CNTN6: variants seen among roughly 807,000 people sequenced by gnomAD.
CNTN6 encodes contactin 6.
Under a neutral mutation model 122.8 loss-of-function variants are expected in CNTN6, and 137 were observed. The ratio of observed to expected loss-of-function variants is 1.12; its 90% CI spans 0.97 to 1.29. The LOEUF is 1.29. CNTN6 is among the 50% of genes most tolerant of loss of function. The pLI is 0.00. For synonymous variants in CNTN6, 570 were observed against 426.0 expected (o/e 1.34, Z -4.16); for missense variants, 1,634 against 1,223.4 (o/e 1.34, Z -5.01).
intron 12 of CNTN6, among the ~76,000 whole-genome samples, chr3:1,366,837 A>G (rs771815151): frequency 2.2e-4 from 34 of 152,152 alleles, no homozygotes; most frequent in Non-Finnish European, 4.1e-4. Context: ...CTTCACCCAC[A>G]CAGGAGGCTA....
intron 4 of CNTN6, among the ~76,000 whole-genome samples, chr3:1,272,020 G>A (rs112202531): frequency 1.3e-5 from 2 of 152,134 alleles, no homozygotes; most frequent in African/African-American, 4.8e-5. Flanking sequence ...TACCCATGCT[G>A]TTCTCCTGTT....
Position 1,220,689 on chromosome 3 carries a change from G to A in CNTN6, c.58G>A (p.Asp20Asn). ...GATTTATTCTTTTCTTTTCCCAGGT[G>A]ATGGTCTTTTAAGCCGTCCTATTTT... ...LLPLINSSAG[D>N]GLLSRPIFTQ... The change falls in exon 3 of 23, where the codon GAT becomes AAT. Residue 20 changes from aspartate to asparagine, a missense_variant and splice_region_variant. By Grantham distance (23) the Asp-to-Asn change is conservative (BLOSUM62 1). Transcript: ENST00000446702. The A allele has an allele frequency of 6.2e-7, 1 of 1,603,038 alleles. No individual in the cohort carries two copies. The highest frequency in any genetic ancestry group is 8.5e-7 in the Non-Finnish European group (1 of 1,175,990).
At chr3:1,233,056 T>C (rs2094372737) in intron 4 of CNTN6, among the ~76,000 whole-genome samples, 3 of 152,188 alleles carry the variant, frequency 2.0e-5, no homozygotes. Context: ...GAAAACTAAT[T>C]TGGAGCCACT....
At chr3:1,333,103 G>T (rs1358743373) in intron 11 of CNTN6, among the ~76,000 whole-genome samples, 1 of 151,966 alleles carries the variant, frequency 6.6e-6, no homozygotes, top group Non-Finnish European at 1.5e-5. Context: ...TGGGGTGTGG[G>T]TAGATGGGTA....
At chr3:1,119,221 G>T (rs2091853759) in intron 1 of CNTN6, among the ~76,000 whole-genome samples, 1 of 151,190 alleles carries the variant, frequency 6.6e-6, no homozygotes, top group Non-Finnish European at 1.5e-5. Flanking sequence ...GTAGATGTAG[G>T]TCATAATAGG....
chr3:1,246,218 C>T (rs2094581859), intron 4 of CNTN6, among the ~76,000 whole-genome samples: 1 of 152,064 alleles, frequency 6.6e-6, no homozygotes, highest in African/African-American at 2.4e-5. Flanking sequence ...CCTCCTTCTG[C>T]CTCAAAGATG....
intron 1 of CNTN6, among the ~76,000 whole-genome samples, chr3:1,122,492 G>T (rs560217186): frequency 5.3e-5 from 8 of 149,894 alleles, no homozygotes; most frequent in African/African-American, 1.7e-4. Flanking sequence ...GGACAATTCG[G>T]TTGCATTTAA....
intron 4 of CNTN6, among the ~76,000 whole-genome samples, chr3:1,251,401 T>C (rs923557573): frequency 2.6e-5 from 4 of 152,102 alleles, no homozygotes; most frequent in African/African-American, 9.7e-5. Flanking sequence ...CTCCTGTCCT[T>C]CTCCTGCTTC....
chr3:1,130,985 A>G (rs1357956425), intron 1 of CNTN6, among the ~76,000 whole-genome samples: 2 of 152,140 alleles, frequency 1.3e-5, no homozygotes, highest in African/African-American at 4.8e-5. Flanking sequence ...ATCATGGAAT[A>G]TTAAGAATGG....
At chr3:1,210,034 T>C (rs893807510) in intron 2 of CNTN6, among the ~76,000 whole-genome samples, 6 of 152,176 alleles carry the variant, frequency 3.9e-5, no homozygotes, top group Non-Finnish European at 8.8e-5. Context: ...ATCTTTATTT[T>C]TGAACATAGC....
chr3:1,283,469 T>A (rs1044535587), intron 5 of CNTN6, among the ~76,000 whole-genome samples: 7 of 152,074 alleles, frequency 4.6e-5, no homozygotes, highest in African/African-American at 1.7e-4. Flanking sequence ...TCCTTTAAAT[T>A]TTGGAACAGA....
At chr3:1,176,446 A>G (rs1575126150) in intron 2 of CNTN6, among the ~76,000 whole-genome samples, 1 of 152,208 alleles carries the variant, frequency 6.6e-6, no homozygotes, top group East Asian at 1.9e-4. Flanking sequence ...AGGCTGTTTG[A>G]TTCAACCTGG....
At chr3:1,266,036 A>G (rs908138230) in intron 4 of CNTN6, among the ~76,000 whole-genome samples, 2 of 151,296 alleles carry the variant, frequency 1.3e-5, no homozygotes, top group Non-Finnish European at 2.9e-5. Context: ...TTTTTTGCAT[A>G]ACACCTAAGT....
intron 7 of CNTN6, among the ~76,000 whole-genome samples, chr3:1,304,294 TC>T (rs71956427): frequency 0.51 from 77,083 of 151,392 alleles, 20,423 homozygotes; most frequent in East Asian, 0.79. Context: ...GTTTTTTTTT[TC>T]CATATATTTG....
chr3:1,203,750 G>T (rs1395252569), intron 2 of CNTN6, among the ~76,000 whole-genome samples: 2 of 151,074 alleles, frequency 1.3e-5, no homozygotes, highest in Non-Finnish European at 3.0e-5. Context: ...TGCCATTCCA[G>T]ATTTTTTTTA....
chr3:1,137,289 G>T (rs112139567), intron 1 of CNTN6, among the ~76,000 whole-genome samples: 12 of 152,332 alleles, frequency 7.9e-5, no homozygotes, highest in African/African-American at 2.9e-4. Flanking sequence ...GATATTTGTT[G>T]TTGTTAATGC....
intron 3 of CNTN6, among the ~76,000 whole-genome samples, chr3:1,227,608 T>TAA (rs1343178992): frequency 6.6e-6 from 1 of 152,200 alleles, no homozygotes; most frequent in Middle Eastern, 3.2e-3. Context: ...ATGTAACTTA[T>TAA]AAAGAGTACA....
At chr3:1,379,704 G>T (rs1315504511) in intron 17 of CNTN6, among the ~76,000 whole-genome samples, 1 of 152,080 alleles carries the variant, frequency 6.6e-6, no homozygotes, top group Non-Finnish European at 1.5e-5. Flanking sequence ...AGGAGGAGGT[G>T]GGGGGTGGAT....
At chr3:1,351,995 A>C (rs1394899513) in intron 11 of CNTN6, among the ~76,000 whole-genome samples, 1 of 151,960 alleles carries the variant, frequency 6.6e-6, no homozygotes, top group African/African-American at 2.4e-5. Context: ...AATACAGAGT[A>C]AATAGTTGCA....
Sources: gnomAD v4.1 joint callset for allele counts (sites outside exome capture counted in the v4.1 genomes callset) on GRCh38, gnomAD v4.1.1 for gene constraint, MANE v1.5 for transcripts, NCBI Gene and HGNC (gene_info 2026-07-23, HGNC 2026-07-21) for gene names.